INPP5B: variants seen among roughly 807,000 people sequenced by gnomAD.
The protein encoded by INPP5B is inositol polyphosphate-5-phosphatase B.
In INPP5B, 90 loss-of-function variants were observed where a neutral mutation model predicts 118.5. The ratio of observed to expected loss-of-function variants is 0.76; its 90% confidence interval spans 0.64 to 0.90. The LOEUF is 0.90. Ranked by LOEUF, INPP5B falls within the 40% of genes least tolerant of loss-of-function variation. The pLI is 0.00. For synonymous variants in INPP5B, 385 were observed against 418.9 expected (o/e 0.92, Z 0.99); for missense variants, 984 against 1,125.6 (o/e 0.87, Z 1.80).
chr1:37,894,792 G>A (rs751213904), intron 7 of INPP5B, among the ~76,000 whole-genome samples: 17 of 152,038 alleles, frequency 1.1e-4, no homozygotes, highest in African/African-American at 1.9e-4. Context: ...AACTCCTGAC[G>A]TCAGGTCTCC....
chr1:37,941,958 A>AATATATATATATATATATATATAT (rs1553163169), intron 5 of INPP5B: 14 of 30,120 alleles, frequency 4.6e-4, no homozygotes, highest in East Asian at 9.7e-4. Flanking sequence ...AAAAAAAAAA[A>AATATATATATATATATATATATAT]ATATATATAT....
chr1:37,940,595 G>T (rs1645875311), intron 6 of INPP5B, 93 bp downstream of exon 6: 1 of 727,122 alleles, frequency 1.4e-6, no homozygotes, highest in East Asian at 2.6e-5. Flanking sequence ...AGAAACCATG[G>T]GGTAAGAGTC....
At chr1:37,938,610 G>T (rs930794728) in intron 6 of INPP5B, among the ~76,000 whole-genome samples, 2 of 152,074 alleles carry the variant, frequency 1.3e-5, no homozygotes, top group Non-Finnish European at 2.9e-5. Flanking sequence ...GGCAGAGATG[G>T]GTTTCAAACT....
At chr1:37,887,507 T>C in intron 10 of INPP5B, 42 bp from the exon 11 acceptor site, 1 of 1,170,394 alleles carries the variant, frequency 8.5e-7, no homozygotes, top group Non-Finnish European at 1.3e-6. Flanking sequence ...AGAAAAGTAA[T>C]GTGCAAATGA....
rs1386264755 is a variant in INPP5B, at chr1:37,945,769, C to T, written c.139G>A (p.Gly47Ser). 1.5e-5 allele frequency: 25 copies of T among 1,613,632 alleles called. No homozygotes were observed. The East Asian group carries it at 4.2e-4, about 27-fold the overall frequency. ...CCCCTCACTCACGCGTGTTCCTGGC[C>T]GCCGTGCTCCAGGCGGTAGCGCACG... ...GLVRYRLEHG[G>S]QEHALFLYTH... The change falls in exon 3 of 24, where the codon GGC becomes AGC. Residue 47 changes from glycine (G) to serine (S), a missense_variant. By Grantham distance (56) the Gly-to-Ser change is moderately conservative. Transcript: ENST00000373024.
At chr1:37,926,867 A>G (rs899384405) in intron 7 of INPP5B, among the ~76,000 whole-genome samples, 1 of 152,218 alleles carries the variant, frequency 6.6e-6, no homozygotes, top group African/African-American at 2.4e-5. Context: ...CTAGATGGAA[A>G]TAATGAGGTA....
intron 7 of INPP5B, among the ~76,000 whole-genome samples, chr1:37,899,633 GTAGT>G (rs1245117431): frequency 6.6e-6 from 1 of 151,888 alleles, no homozygotes; most frequent in Non-Finnish European, 1.5e-5. Flanking sequence ...TTCTACTTAA[GTAGT>G]TAGGGCCAAA....
chr1:37,887,542 C>T, intron 10 of INPP5B, 77 bp from the exon 11 acceptor site: 2 of 818,230 alleles, frequency 2.4e-6, no homozygotes, highest in South Asian at 3.2e-5. Context: ...GGTTTAGGTG[C>T]ATAAGCCCTA....
At position 37,909,605 on chromosome 1, in the gene INPP5B, C is replaced by T. The variant is rs889253331; in HGVS notation, c.533-18151G>A. The stretch of plus-strand genomic sequence containing the variant: ...TGAAAACCCAGCCCAGTCCATGGCC[C>T]GTTTGGCAACAACCCTTAGATGCTT... On this transcript the variant is annotated intron_variant, in intron 7 of 23. Coordinates refer to ENST00000373024, the MANE Select transcript of INPP5B (RefSeq NM_005540.3). Among the ~76,000 whole-genome samples, 8 of 152,268 alleles carry T rather than the reference C, an allele frequency of 5.3e-5. No individual in the cohort carries two copies. The East Asian group carries it at 1.2e-3, about 22-fold the overall frequency.
chr1:37,886,834 A>G (rs1643568233), intron 12 of INPP5B, 54 bp downstream of exon 12: 1 of 1,307,904 alleles, frequency 7.6e-7, no homozygotes, highest in Non-Finnish European at 1.1e-6. Flanking sequence ...GAAGTGGTCA[A>G]TACCTCAGGA....
At chr1:37,915,770 T>C (rs1557691776) in intron 7 of INPP5B, among the ~76,000 whole-genome samples, 1 of 152,248 alleles carries the variant, frequency 6.6e-6, no homozygotes, top group African/African-American at 2.4e-5. Context: ...TTTCCTATAG[T>C]TAGCTATAAT....
intron 6 of INPP5B, among the ~76,000 whole-genome samples, chr1:37,937,064 G>A (rs569472941): frequency 1.3e-3 from 191 of 152,180 alleles, no homozygotes; most frequent in African/African-American, 4.4e-3. Flanking sequence ...TGTATTCCCA[G>A]CACTTTGGGA....
rs180954760 is a variant in INPP5B, at chr1:37,916,824, A to T, written c.532+15089T>A. On this transcript the variant is annotated intron_variant, in intron 7 of 23. Coordinates refer to ENST00000373024, the MANE Select transcript of INPP5B (RefSeq NM_005540.3). ...TGAGAATCATCTGAGAGGCAGCAACATTATTTCTTCATTCAATTGCTCCTT... is the reference window on the plus strand; with the variant it reads ...TGAGAATCATCTGAGAGGCAGCAACTTTATTTCTTCATTCAATTGCTCCTT... Among the ~76,000 whole-genome samples, 357 of 152,178 alleles carry T rather than the reference A, an allele frequency of 2.3e-3. 3 individuals carry two copies. The highest frequency in any genetic ancestry group is 6.8e-3 in the Middle Eastern group (2 of 294).
chr1:37,872,331 T>C (rs190573105), intron 19 of INPP5B, among the ~76,000 whole-genome samples: 91 of 144,598 alleles, frequency 6.3e-4, no homozygotes, highest in African/African-American at 2.1e-3. Context: ...GATCACGTCA[T>C]TGCACTCCAG....
chr1:37,881,926 C>T (rs546518191), intron 14 of INPP5B, among the ~76,000 whole-genome samples: 2 of 152,022 alleles, frequency 1.3e-5, no homozygotes, highest in South Asian at 2.1e-4. Flanking sequence ...GGTGAAACCC[C>T]GTCTTTACTA....
intron 5 of INPP5B, 129 bp from the exon 6 acceptor site, chr1:37,940,927 T>C (rs186866355): frequency 3.3e-6 from 2 of 603,410 alleles, no homozygotes; most frequent in Admixed American, 3.0e-5. Flanking sequence ...GCAACTTACT[T>C]GGGACAGCTG....
At chr1:37,876,503 AG>A (rs1642815369) in intron 16 of INPP5B, among the ~76,000 whole-genome samples, 1 of 137,076 alleles carries the variant, frequency 7.3e-6, no homozygotes, top group Non-Finnish European at 1.5e-5. Context: ...ACCTGAGCCC[AG>A]GAGTCACTTG....
intron 7 of INPP5B, among the ~76,000 whole-genome samples, chr1:37,902,080 AG>A (rs1292293820): frequency 6.6e-6 from 1 of 150,968 alleles, no homozygotes; most frequent in Non-Finnish European, 1.5e-5. Context: ...CTGTGTCCTG[AG>A]TTGAAGCGAT....
intron 6 of INPP5B, among the ~76,000 whole-genome samples, chr1:37,939,046 C>T (rs1645808399): frequency 1.3e-5 from 2 of 151,896 alleles, no homozygotes; most frequent in Admixed American, 1.3e-4. Flanking sequence ...ATCCAAAAAT[C>T]AGCTGGGCGT....
Sources: gnomAD v4.1 joint callset for allele counts (sites outside exome capture counted in the v4.1 genomes callset) on GRCh38, gnomAD v4.1.1 for gene constraint, MANE v1.5 for transcripts, NCBI Gene and HGNC (gene_info 2026-07-23, HGNC 2026-07-21) for gene names.